The following RAVER1 variants were observed in gnomAD, a reference collection of about 807,000 sequenced individuals.
The protein encoded by RAVER1 is ribonucleoprotein PTB-binding 1.
RAVER1 carries 36 observed loss-of-function variants against 68.4 expected under a neutral mutation model. That is an observed-to-expected ratio of 0.53 (90% CI 0.40 to 0.70). RAVER1 has a LOEUF of 0.70. Among genes scored for constraint, RAVER1 ranks in the 30% least tolerant of loss-of-function variants. RAVER1 has a pLI of 0.00. For missense variants in RAVER1, 933 were observed against 1,019.8 expected, an observed-to-expected ratio of 0.91 and a Z score of 1.16; for synonymous variants, 469 against 472.7, an observed-to-expected ratio of 0.99 and a Z score of 0.10.
At position 10,329,467 on chromosome 19, in the gene RAVER1, C is replaced by T. The variant is rs185537659; in HGVS notation, c.287-356G>A. ...GATTTAAGCCCCAAGCCCCAGGTGG[C>T]TTTGGGGGTATCAGTTTCCTCATCT... On this transcript the variant is annotated intron_variant, in intron 2 of 12. Transcript: ENST00000617231. This position sits in a 1 kb window ranked among gnomAD's most constrained non-coding sequence, Gnocchi z 4.6. 6.6e-6 allele frequency among the ~76,000 whole-genome samples: 1 copy of T among 152,334 alleles called. No homozygotes were observed. Among genetic ancestry groups the T allele is most frequent in the African/African-American group, 2.4e-5 (1 of 41,576 alleles).
Position 10,316,674 on chromosome 19 carries a change from C to G in RAVER1, c.*780G>C. The G allele has an allele frequency of 1.6e-6, 1 of 616,590 alleles. No individual in the cohort carries two copies. Among genetic ancestry groups the G allele is most frequent in the African/African-American group, 2.0e-5 (1 of 50,396 alleles). The allele number at this position is 616,590 out of a possible 1,614,324, so 38.2% of individuals were successfully genotyped here. A position where few individuals can be genotyped will look rare whatever the true frequency, so the allele number is the denominator to read the frequency against. On this transcript the variant is annotated 3_prime_UTR_variant, in exon 13 of 13. Transcript: ENST00000617231. ...CCAAGATGAAGGCTTTCCCCTTCTA[C>G]TGTCCCCAGGGTGGAGATCCTGGGT...
At chr19:10,324,934 C>T (rs1270241802) in intron 3 of RAVER1, among the ~76,000 whole-genome samples, 1 of 152,146 alleles carries the variant, frequency 6.6e-6, no homozygotes, top group Non-Finnish European at 1.5e-5. Flanking sequence ...ATCTATAATC[C>T]CAGCTCTTTG....
intron 3 of RAVER1, among the ~76,000 whole-genome samples, chr19:10,324,190 G>C (rs1487513537): frequency 6.6e-6 from 1 of 152,068 alleles, no homozygotes; most frequent in East Asian, 1.9e-4. Context: ...TCAGCAACGG[G>C]TGGGGAAGGA....
rs1279164716 is a variant in RAVER1 at position 10,331,381 on chromosome 19, AAAT to A, written c.220-858_220-856del. Among the ~76,000 whole-genome samples, 437 of 123,042 alleles carry A rather than the reference AAAT, an allele frequency of 3.6e-3. 21 individuals are homozygous for A. The highest frequency in any genetic ancestry group is 5.8e-3 in the Non-Finnish European group (340 of 58,476). The allele number at this position is 123,042 out of a possible 152,430, so 80.7% of individuals were successfully genotyped here. The stretch of plus-strand genomic sequence containing the variant: ...CAAAAAAAAAAAAAAAAAAAAAAAA[AAAT>A]AACAACAACAAAAAAAAAAAAAAAA... On this transcript the variant is annotated intron_variant, in intron 1 of 12. Coordinates refer to ENST00000617231, the MANE Select transcript of RAVER1 (RefSeq NM_133452.3).
chr19:10,321,665 G>A, intron 6 of RAVER1, 47 bp from the exon 7 acceptor site: 1 of 1,355,890 alleles, frequency 7.4e-7, no homozygotes, highest in South Asian at 2.1e-5. Context: ...GGGTGGCCCA[G>A]GGAAGCAGAC....
Position 10,323,690 on chromosome 19 carries a change from G to A in RAVER1, c.757-124C>T. On this transcript the variant is annotated intron_variant, in intron 3 of 12. Coordinates refer to ENST00000617231, the MANE Select transcript of RAVER1 (RefSeq NM_133452.3). The surrounding 1 kb of genome is among the most constrained non-coding windows in gnomAD (Gnocchi z 6.2). ...GTGAACTCCACGCCAGGCCTCCACT[G>A]CCCTGTGCCTCATTCCTGCATCAGC... 2.1e-6 allele frequency: 2 copies of A among 930,360 alleles called. No individual in the cohort carries two copies. The highest frequency in any genetic ancestry group is 3.1e-6 in the Non-Finnish European group (2 of 635,426). The allele number at this position is 930,360 out of a possible 1,614,324, so 57.6% of individuals were successfully genotyped here.
Position 10,323,009 on chromosome 19 carries a change from T to A in RAVER1, c.1078+136A>T. On this transcript the variant is annotated intron_variant, in intron 5 of 12. Coordinates refer to ENST00000617231, the MANE Select transcript of RAVER1 (RefSeq NM_133452.3). The surrounding 1 kb of genome is among the most constrained non-coding windows in gnomAD (Gnocchi z 6.2). ...TTGTGGACAGCAGCAGCCCCCGCTATGACTCCATACTCCCCCTCGGCCCTA... is the reference window on the plus strand; with the variant it reads ...TTGTGGACAGCAGCAGCCCCCGCTAAGACTCCATACTCCCCCTCGGCCCTA... 1.3e-6 allele frequency: 1 copy of A among 757,834 alleles called. No individual in the cohort carries two copies. The allele number at this position is 757,834 out of a possible 1,614,324, so 46.9% of individuals were successfully genotyped here. A position where few individuals can be genotyped will look rare whatever the true frequency, so the allele number is the denominator to read the frequency against.
rs2040490094 is a variant in RAVER1, at chr19:10,328,488, G to T, written c.756+154C>A. Reference sequence around the variant, plus strand: ...AATTGCTTGAACCAAAGAGGCGGAGGTTGCAGTGAACTGAGATTGTATCAC... The same window carrying T: ...AATTGCTTGAACCAAAGAGGCGGAGTTTGCAGTGAACTGAGATTGTATCAC... On this transcript the variant is annotated intron_variant, in intron 3 of 12. Transcript: ENST00000617231. This position sits in a 1 kb window ranked among gnomAD's most constrained non-coding sequence, Gnocchi z 4.4. Among the ~76,000 whole-genome samples, 1 of 152,054 alleles carries T rather than the reference G, an allele frequency of 6.6e-6. No homozygotes were observed. The highest frequency in any genetic ancestry group is 1.5e-5 in the Non-Finnish European group (1 of 67,998).
intron 1 of RAVER1, 32 bp from the exon 2 acceptor site, chr19:10,330,558 T>C (rs775501996): frequency 2.6e-5 from 30 of 1,137,594 alleles, no homozygotes; most frequent in Non-Finnish European, 2.9e-5. Context: ...GACAGGGAGT[T>C]ACTGGAGATG....
intron 9 of RAVER1, among the ~76,000 whole-genome samples, chr19:10,319,589 T>C (rs1279919290): frequency 7.3e-6 from 1 of 136,980 alleles, no homozygotes; most frequent in Non-Finnish European, 1.6e-5. Flanking sequence ...AATTTCTTTC[T>C]TTTTTTTTTT....
rs1194441457 is a variant in RAVER1 at position 10,317,619 on chromosome 19, G to A, written c.2074-19C>T. On this transcript the variant is annotated intron_variant, in intron 12 of 12. Coordinates refer to ENST00000617231, the MANE Select transcript of RAVER1 (RefSeq NM_133452.3). This position sits in a 1 kb window ranked among gnomAD's most constrained non-coding sequence, Gnocchi z 4.3. ...GTGGGGTCTGGAGACAGAGGGCAGG[G>A]CGGGGCGGGTCAGGGGCCGCTGGGG... is the stretch of plus-strand genomic sequence containing the variant. The A allele has an allele frequency of 1.3e-6, 2 of 1,590,336 alleles. No individual in the cohort carries two copies. Among genetic ancestry groups the A allele is most frequent in the Non-Finnish European group, 8.6e-7 (1 of 1,168,130 alleles).
intron 11 of RAVER1, 31 bp downstream of exon 11, chr19:10,318,198 G>T: frequency 6.4e-7 from 1 of 1,574,250 alleles, no homozygotes; most frequent in Non-Finnish European, 8.6e-7. Flanking sequence ...CTGTCCCAGG[G>T]GGCCTGTGCT....
rs780876679 is a variant in RAVER1, at chr19:10,319,206, C to T, written c.1805G>A (p.Arg602Gln). The T allele has an allele frequency of 8.7e-6, 14 of 1,613,692 alleles. No homozygotes were observed. The highest frequency in any genetic ancestry group is 2.2e-5 in the East Asian group (1 of 44,894). Residue 602 changes from arginine (R) to glutamine (Q), a missense_variant, in exon 10 of 13, where the codon CGG becomes CAG. Around this residue, in one of 3 missense-constraint regions of RAVER1, gnomAD observed 699 missense variants for 731.1 expected, o/e 0.96. Coordinates refer to ENST00000617231, the MANE Select transcript of RAVER1 (RefSeq NM_133452.3). Reference protein sequence around the residue: ...MGPRRLFSHPREPALGPHGPS... With the variant: ...MGPRRLFSHPQEPALGPHGPS... ...TCCGTGAGGCCCAAGGGCTGGTTCC[C>T]GTGGGTGGGAGAAGAGCCGCCGAGG...
intron 3 of RAVER1, among the ~76,000 whole-genome samples, chr19:10,325,234 GT>G (rs1266621613): frequency 1.3e-5 from 2 of 150,586 alleles, no homozygotes; most frequent in Non-Finnish European, 3.0e-5. Flanking sequence ...TTTTTGTTTT[GT>G]TTTTTTTGAG....
At position 10,317,746 on chromosome 19, in the gene RAVER1, C is replaced by T. The variant is rs377043925; in HGVS notation, c.2017G>A (p.Gly673Arg). ...KAIGSSPLGSGEGLLGLSPGP... is the reference protein window; with the variant it reads ...KAIGSSPLGSREGLLGLSPGP... The stretch of plus-strand genomic sequence containing the variant: ...GGGCTGAGGCCCAGGAGCCCTTCTC[C>T]GGACCCCAGCGGGGAAGAGCCGATT... Residue 673 changes from glycine to arginine, a missense_variant, in exon 12 of 13, where the codon GGA becomes AGA. Physicochemically the swap from Gly to Arg is moderately radical, Grantham distance 125. Transcript: ENST00000617231. The surrounding 1 kb of genome is among the most constrained non-coding windows in gnomAD (Gnocchi z 4.3). The T allele has an allele frequency of 9.4e-5, 150 of 1,593,894 alleles. No homozygotes were observed. In the Admixed American group the frequency reaches 9.6e-4, roughly 10 times the overall value.
chr19:10,323,664 G>A lies in RAVER1; in HGVS notation c.757-98C>T. ...TAACCAGACTCAGCTGCCCCATAAG[G>A]GTGAACTCCACGCCAGGCCTCCACT... On this transcript the variant is annotated intron_variant, in intron 3 of 12. Transcript: ENST00000617231. The surrounding 1 kb of genome is among the most constrained non-coding windows in gnomAD (Gnocchi z 6.2). 1 of 1,298,468 alleles carries A rather than the reference G, an allele frequency of 7.7e-7. No individual in the cohort carries two copies. Among genetic ancestry groups the A allele is most frequent in the Admixed American group, 2.4e-5 (1 of 40,838 alleles). 80.4% of individuals were successfully genotyped at this position (1,298,468 alleles called of 1,614,324 possible).
Position 10,323,152 on chromosome 19 carries a change from C to G in RAVER1, c.1071G>C (p.Gly357=), listed in dbSNP as rs1464984678. ...LNPLLHGSAG[G]KQGLLGAPPA... is the part of the protein sequence containing the mutation. Reference sequence around the variant, plus strand: ...TGTCCAGCCCCACCTTACCCTGCTTCCCCCCCGCACTGCCATGGAGCAGGG... The same window carrying G: ...TGTCCAGCCCCACCTTACCCTGCTTGCCCCCCGCACTGCCATGGAGCAGGG... Residue 357 remains glycine, a synonymous_variant, in exon 5 of 13, where the codon GGG becomes GGC. Coordinates refer to ENST00000617231, the MANE Select transcript of RAVER1 (RefSeq NM_133452.3). The surrounding 1 kb of genome is among the most constrained non-coding windows in gnomAD (Gnocchi z 6.2). The G allele has an allele frequency of 6.3e-7, 1 of 1,589,606 alleles. No homozygotes were observed. The highest frequency in any genetic ancestry group is 1.3e-5 in the African/African-American group (1 of 74,298).
rs1357793532 is a variant in RAVER1, at chr19:10,322,250, A to G, written c.1173+395T>C. ...GGTGTGCGTGTGTGTGTGTGCACAC[A>G]CTGAGGGGATAGACCTGGAGTTTTT... On this transcript the variant is annotated intron_variant, in intron 6 of 12. Coordinates refer to ENST00000617231, the MANE Select transcript of RAVER1 (RefSeq NM_133452.3). The surrounding 1 kb of genome is among the most constrained non-coding windows in gnomAD (Gnocchi z 4.3). The G allele has an allele frequency of 8.6e-6, 2 of 231,604 alleles. No individual in the cohort carries two copies. The highest frequency in any genetic ancestry group is 1.7e-5 in the Non-Finnish European group (2 of 119,766). The allele number at this position is 231,604 out of a possible 1,614,324, so 14.3% of individuals were successfully genotyped here.
intron 3 of RAVER1, among the ~76,000 whole-genome samples, chr19:10,324,758 C>T (rs1321655416): frequency 6.6e-6 from 1 of 152,144 alleles, no homozygotes; most frequent in Admixed American, 6.6e-5. Context: ...ATTCCTAAGT[C>T]GAGGGACTGA....
Sources: gnomAD v4.1 joint callset for allele counts (sites outside exome capture counted in the v4.1 genomes callset) on GRCh38, gnomAD v4.1.1 for gene constraint, gnomAD v4.1.1 regional missense constraint, Gnocchi (gnomAD v3.1) non-coding constraint, MANE v1.5 for transcripts, NCBI Gene and HGNC (gene_info 2026-07-23, HGNC 2026-07-21) for gene names.